Variants in RARB observed in about 807,000 individuals in gnomAD.
RARB encodes the protein retinoic acid receptor beta.
Under a neutral mutation model 51.9 loss-of-function variants are expected in RARB, and 17 were observed. The ratio of observed to expected loss-of-function variants is 0.33; its 90% confidence interval spans 0.22 to 0.49. The LOEUF is 0.49. Among genes scored for constraint, RARB ranks in the 20% least tolerant of loss-of-function variants. The pLI, the probability that RARB is intolerant of heterozygous loss-of-function variation, is 0.99. For missense variants in RARB, 369 were observed against 550.8 expected (o/e 0.67, Z 3.30); for synonymous variants, 215 against 195.4 (o/e 1.10, Z -0.84).
intron 5 of RARB, among the ~76,000 whole-genome samples, chr3:25,268,089 C>T (rs1189556786): frequency 6.6e-6 from 1 of 152,004 alleles, no homozygotes; most frequent in Non-Finnish European, 1.5e-5. Context: ...TATAATCTTC[C>T]CAAACAAAAA....
chr3:25,543,451 T>C (rs978023149), intron 3 of RARB, among the ~76,000 whole-genome samples: 2 of 152,022 alleles, frequency 1.3e-5, no homozygotes, highest in African/African-American at 4.8e-5. Flanking sequence ...AATTAAACCG[T>C]GTACTTCAAG....
intron 5 of RARB, among the ~76,000 whole-genome samples, chr3:25,305,606 C>T (rs764205200): frequency 6.6e-6 from 1 of 152,164 alleles, no homozygotes; most frequent in African/African-American, 2.4e-5. Flanking sequence ...AGTAGAATCA[C>T]CCCTGCCCCA....
At chr3:25,211,733 T>C (rs988714131) in intron 5 of RARB, among the ~76,000 whole-genome samples, 1 of 152,216 alleles carries the variant, frequency 6.6e-6, no homozygotes, top group Admixed American at 6.5e-5. Flanking sequence ...TCTGCTGTTA[T>C]AGCACAGAAG....
At chr3:25,210,327 A>G (rs748574977) in intron 5 of RARB, among the ~76,000 whole-genome samples, 14 of 151,962 alleles carry the variant, frequency 9.2e-5, no homozygotes, top group Non-Finnish European at 1.5e-5. Flanking sequence ...ATAGGTTAGG[A>G]GTATCATCTT....
At position 24,999,392 on chromosome 3, in the gene RARB, A is replaced by AG. The variant is rs139366139; in HGVS notation, c.-379-60731dup. On this transcript the variant is annotated intron_variant, in intron 2 of 11. Transcript: ENST00000383772. ...GCTGGTGTGCATGCTGAGTTTGGGG[A>AG]GGATGCCTCAAAAGACATTTGGGAC... Among the ~76,000 whole-genome samples the AG allele has an allele frequency of 3.2e-3, 485 of 152,250 alleles. 1 individual carries two copies. Among genetic ancestry groups the AG allele is most frequent in the African/African-American group, 9.8e-3 (407 of 41,548 alleles).
intron 2 of RARB, among the ~76,000 whole-genome samples, chr3:24,913,399 TC>T: frequency 2.3e-5 from 3 of 131,500 alleles, no homozygotes; most frequent in African/African-American, 9.3e-5. Context: ...TCTCTCTCTC[TC>T]TCTTTTTTTT....
rs917110003 is a variant in RARB, at chr3:25,259,857, A to G, written c.178+85282A>G. 9 of 964,198 alleles carry G rather than the reference A, an allele frequency of 9.3e-6. 1 individual carries two copies. The Admixed American group carries it at 2.5e-4, about 26-fold the overall frequency. 59.7% of individuals were successfully genotyped at this position (964,198 alleles called of 1,614,324 possible). ...TCTTGGTATCTGTCATTGCTTCCCA[A>G]ATAAGTCAAGAGATTTGAGCTTCTT... On this transcript the variant is annotated intron_variant, in intron 5 of 11. Coordinates refer to the RARB transcript ENST00000383772.
intron 2 of RARB, among the ~76,000 whole-genome samples, chr3:24,924,339 G>A (rs1387551161): frequency 6.6e-6 from 1 of 152,072 alleles, no homozygotes; most frequent in Non-Finnish European, 1.5e-5. Flanking sequence ...TCTAGAATGG[G>A]ACAGTCAAAT....
rs148763101 is a variant in RARB at position 24,984,085 on chromosome 3, C to A, written c.-379-76040C>A. ...AGATTAATAAAATTATTAGGGAAAG[C>A]AATTTAGCTATATAACCCACAGTCA... On this transcript the variant is annotated intron_variant, in intron 2 of 11. Coordinates refer to the RARB transcript ENST00000383772. Among the ~76,000 whole-genome samples, 317 of 152,208 alleles carry A rather than the reference C, an allele frequency of 2.1e-3. 1 individual carries two copies. Among genetic ancestry groups the A allele is most frequent in the African/African-American group, 7.2e-3 (297 of 41,518 alleles).
At chr3:25,492,491 T>A (rs1210531532) in intron 2 of RARB, among the ~76,000 whole-genome samples, 1 of 152,216 alleles carries the variant, frequency 6.6e-6, no homozygotes, top group Non-Finnish European at 1.5e-5. Context: ...ATGATGTGAG[T>A]TCAGGTTCTG....
intron 5 of RARB, among the ~76,000 whole-genome samples, chr3:25,305,816 T>A (rs1407425578): frequency 6.6e-6 from 1 of 152,180 alleles, no homozygotes; most frequent in African/African-American, 2.4e-5. Flanking sequence ...GGACTTTGGG[T>A]GTTATATTAG....
At chr3:25,168,970 C>G (rs1575192544) in intron 4 of RARB, among the ~76,000 whole-genome samples, 1 of 152,148 alleles carries the variant, frequency 6.6e-6, no homozygotes, top group African/African-American at 2.4e-5. Flanking sequence ...TTCACACACA[C>G]AGGATCAGAA....
chr3:25,079,399 C>T (rs76079719), intron 3 of RARB, among the ~76,000 whole-genome samples: 29 of 152,052 alleles, frequency 1.9e-4, no homozygotes, highest in Non-Finnish European at 3.2e-4. Context: ...ACCTCTAATA[C>T]GTTGTTGAAT....
chr3:25,227,052 A>G lies in RARB; in HGVS notation c.178+52477A>G, dbSNP rs186811798. On this transcript the variant is annotated intron_variant, in intron 5 of 11. Transcript: ENST00000383772. Reference sequence around the variant, plus strand: ...GTTTCGAGTTGTAGTCCACTATTCCAGAACTGCTGGGTCAGACACTGTAAA... The same window carrying G: ...GTTTCGAGTTGTAGTCCACTATTCCGGAACTGCTGGGTCAGACACTGTAAA... 3.0e-3 allele frequency among the ~76,000 whole-genome samples: 464 copies of G among 152,342 alleles called. 2 individuals carry two copies. Among genetic ancestry groups the G allele is most frequent in the Non-Finnish European group, 5.3e-3 (358 of 68,030 alleles).
Position 25,182,478 on chromosome 3 carries a change from G to T in RARB, c.178+7903G>T, listed in dbSNP as rs1222951194. 5.3e-5 allele frequency among the ~76,000 whole-genome samples: 8 copies of T among 152,286 alleles called. No individual in the cohort carries two copies. In the East Asian group the frequency reaches 1.5e-3, roughly 30 times the overall value. On this transcript the variant is annotated intron_variant, in intron 5 of 11. Coordinates refer to the RARB transcript ENST00000383772. ...CTAGTACTTGCCTTCATTTCTTGAT[G>T]TGTAGCCAATGTAGCCAATGTCCCC...
intron 1 of RARB, among the ~76,000 whole-genome samples, chr3:24,840,742 T>TAAAAAAA (rs55771334): frequency 1.3e-4 from 9 of 70,332 alleles, no homozygotes; most frequent in East Asian, 3.9e-4. Context: ...TGAGTAAGAG[T>TAAAAAAA]AAAAAAAAAA....
chr3:24,970,976 C>T (rs1696385338), intron 2 of RARB, among the ~76,000 whole-genome samples: 2 of 152,018 alleles, frequency 1.3e-5, no homozygotes, highest in East Asian at 1.9e-4. Context: ...AACTGCTCAC[C>T]CTGGTACTAG....
intron 3 of RARB, among the ~76,000 whole-genome samples, chr3:25,509,059 A>C (rs1319483835): frequency 1.3e-5 from 2 of 152,188 alleles, no homozygotes; most frequent in Non-Finnish European, 2.9e-5. Context: ...GGGGACACTC[A>C]GTACATTCTC....
At chr3:25,565,719 A>C (rs1332304846) in intron 3 of RARB, among the ~76,000 whole-genome samples, 1 of 152,058 alleles carries the variant, frequency 6.6e-6, no homozygotes, top group Non-Finnish European at 1.5e-5. Flanking sequence ...TAATCCCCAC[A>C]AGTCCTTGGT....
Sources: gnomAD v4.1 joint callset for allele counts (sites outside exome capture counted in the v4.1 genomes callset) on GRCh38, gnomAD v4.1.1 for gene constraint, MANE v1.5 for transcripts, NCBI Gene and HGNC (gene_info 2026-07-23, HGNC 2026-07-21) for gene names.